ZNF407: variants seen among roughly 807,000 people sequenced by gnomAD.
ZNF407 encodes zinc finger protein 407.
A neutral mutation model predicts 131.2 loss-of-function variants in ZNF407; 17 were observed. That is an observed-to-expected ratio of 0.13 (90% confidence interval 0.09 to 0.19). ZNF407 has a LOEUF of 0.19. ZNF407 is among the 10% of genes least tolerant of loss of function. ZNF407 has a pLI of 1.00. For missense variants in ZNF407, 2,681 were observed against 2,830.6 expected (o/e 0.95, Z 1.20); for synonymous variants, 1,156 against 1,062.0 (o/e 1.09, Z -1.72).
intron 3 of ZNF407, among the ~76,000 whole-genome samples, chr18:74,756,355 G>C (rs1234687220): frequency 1.3e-5 from 2 of 152,064 alleles, no homozygotes; most frequent in Non-Finnish European, 2.9e-5. Context: ...ATTGGCAAAG[G>C]GGCAGGTTGG....
chr18:74,887,084 T>C (rs973977667), intron 6 of ZNF407, among the ~76,000 whole-genome samples: 1 of 152,208 alleles, frequency 6.6e-6, no homozygotes, highest in African/African-American at 2.4e-5. Context: ...CTTATAAATG[T>C]TTTCAAATAT....
chr18:74,821,577 A>G (rs1253643840), intron 4 of ZNF407, among the ~76,000 whole-genome samples: 1 of 152,142 alleles, frequency 6.6e-6, no homozygotes, highest in Non-Finnish European at 1.5e-5. Context: ...AGCTTCATCC[A>G]TGTACCTGCA....
chr18:74,824,284 A>G (rs909114983), intron 4 of ZNF407, among the ~76,000 whole-genome samples: 3 of 152,206 alleles, frequency 2.0e-5, no homozygotes, highest in Admixed American at 6.5e-5. Context: ...TCCACACACT[A>G]ACATCAAAAT....
chr18:74,932,735 G>A (rs1268840798), intron 8 of ZNF407, among the ~76,000 whole-genome samples: 2 of 152,096 alleles, frequency 1.3e-5, no homozygotes, highest in Non-Finnish European at 2.9e-5. Context: ...ATGTGATTCT[G>A]GCTACCACCT....
At chr18:75,024,219 G>C (rs188261682) in intron 8 of ZNF407, among the ~76,000 whole-genome samples, 1 of 152,282 alleles carries the variant, frequency 6.6e-6, no homozygotes, top group Admixed American at 6.5e-5. Flanking sequence ...CTGGTGTGCT[G>C]GTTTCAGGGG....
chr18:75,021,272 A>T (rs997610717), intron 8 of ZNF407, among the ~76,000 whole-genome samples: 8 of 107,042 alleles, frequency 7.5e-5, no homozygotes, highest in South Asian at 3.0e-4. Context: ...ATTCTTTTTA[A>T]AAAAAAAAAT....
At chr18:74,800,506 C>T (rs1038439182) in intron 4 of ZNF407, among the ~76,000 whole-genome samples, 18 of 151,966 alleles carry the variant, frequency 1.2e-4, no homozygotes, top group African/African-American at 4.1e-4. Flanking sequence ...ATTTGCTTAA[C>T]GGAAATGAAC....
intron 3 of ZNF407, among the ~76,000 whole-genome samples, chr18:74,687,347 C>T (rs1967118883): frequency 6.6e-6 from 1 of 152,102 alleles, no homozygotes; most frequent in African/African-American, 2.4e-5. Context: ...GACCCTATGC[C>T]TCAAACAAAC....
intron 8 of ZNF407, among the ~76,000 whole-genome samples, chr18:75,033,954 A>ATT (rs1025170600): frequency 2.0e-5 from 3 of 152,182 alleles, no homozygotes; most frequent in Non-Finnish European, 4.4e-5. Context: ...TTATTTTTAT[A>ATT]TTTTCTTCAT....
intron 7 of ZNF407, among the ~76,000 whole-genome samples, chr18:74,919,675 A>G (rs1971820244): frequency 1.3e-5 from 2 of 152,118 alleles, no homozygotes; most frequent in South Asian, 4.1e-4. Context: ...TGTTCTAAAA[A>G]TGACAAAGAC....
Position 74,724,948 on chromosome 18 carries a change from T to C in ZNF407, c.4803-56480T>C, listed in dbSNP as rs565095101. On this transcript the variant is annotated intron_variant, in intron 3 of 8. Coordinates refer to ENST00000299687, the MANE Select transcript of ZNF407 (RefSeq NM_017757.3). The stretch of plus-strand genomic sequence containing the variant: ...CTCAGAAAATTTGATCAATTTAACA[T>C]CTGTGAGGCTTCAACCTTTCAAGCT... Among the ~76,000 whole-genome samples the C allele has an allele frequency of 3.0e-4, 46 of 152,360 alleles. No individual in the cohort carries two copies. In the South Asian group the frequency reaches 9.1e-3, roughly 30 times the overall value.
intron 8 of ZNF407, among the ~76,000 whole-genome samples, chr18:74,972,655 T>C (rs1972485512): frequency 1.3e-5 from 2 of 152,252 alleles, no homozygotes; most frequent in South Asian, 4.1e-4. Context: ...AAAATTAATG[T>C]ATTATTTCAG....
intron 3 of ZNF407, among the ~76,000 whole-genome samples, chr18:74,779,088 CATATAT>C (rs1555687129): frequency 1.6e-4 from 3 of 19,228 alleles, no homozygotes; most frequent in Non-Finnish European, 2.8e-4. Context: ...TCATGCTTGG[CATATAT>C]ATATATATAT....
chr18:74,631,157 T>A lies in ZNF407; in HGVS notation c.138T>A (p.Asn46Lys), dbSNP rs1984045025. 6.2e-7 allele frequency: 1 copy of A among 1,613,980 alleles called. No individual in the cohort carries two copies. The highest frequency in any genetic ancestry group is 1.3e-5 in the African/African-American group (1 of 75,044). ...VSDVIASFPE[N>K]SMGKRGFSES... The stretch of plus-strand genomic sequence containing the variant: ...ATGTGATAGCAAGTTTCCCTGAGAA[T>A]TCTATGGGCAAAAGAGGTTTTTCAG... The change falls in exon 2 of 9, where the codon AAT (asparagine) becomes AAA (lysine). Residue 46 changes from asparagine to lysine, a missense_variant. Transcript: ENST00000299687.
intron 4 of ZNF407, among the ~76,000 whole-genome samples, chr18:74,797,478 G>T (rs992179068): frequency 6.6e-6 from 1 of 152,220 alleles, no homozygotes; most frequent in Non-Finnish European, 1.5e-5. Context: ...TCGACAGAGA[G>T]AATGAAACTG....
intron 8 of ZNF407, among the ~76,000 whole-genome samples, chr18:74,973,584 A>G (rs1175184541): frequency 6.6e-6 from 1 of 152,244 alleles, no homozygotes; most frequent in Non-Finnish European, 1.5e-5. Context: ...GGCTAATATT[A>G]TAAAAGTCAT....
intron 3 of ZNF407, among the ~76,000 whole-genome samples, chr18:74,666,547 G>T (rs1347433175): frequency 6.6e-6 from 1 of 151,998 alleles, no homozygotes; most frequent in East Asian, 1.9e-4. Flanking sequence ...ACCTCCTTTG[G>T]ATGGAACTAT....
At chr18:74,766,557 G>A (rs1366881857) in intron 3 of ZNF407, among the ~76,000 whole-genome samples, 2 of 152,170 alleles carry the variant, frequency 1.3e-5, no homozygotes, top group African/African-American at 4.8e-5. Flanking sequence ...ATCTAGGGAA[G>A]CAAATTCTAG....
chr18:74,824,783 TACCA>T (rs1224996752), intron 4 of ZNF407, among the ~76,000 whole-genome samples: 4 of 152,072 alleles, frequency 2.6e-5, no homozygotes, highest in Non-Finnish European at 4.4e-5. Context: ...CTACCAGAGG[TACCA>T]AGAAGAGCTG....
Sources: gnomAD v4.1 joint callset for allele counts (sites outside exome capture counted in the v4.1 genomes callset) on GRCh38, gnomAD v4.1.1 for gene constraint, MANE v1.5 for transcripts, NCBI Gene and HGNC (gene_info 2026-07-23, HGNC 2026-07-21) for gene names.